The following HCN1 variants were observed in gnomAD, a reference collection of about 807,000 sequenced individuals.
HCN1 encodes hyperpolarization activated cyclic nucleotide gated potassium channel 1.
A neutral mutation model predicts 78.9 loss-of-function variants in HCN1; 13 were observed. That is an observed-to-expected ratio of 0.16 (90% CI 0.11 to 0.26). The LOEUF is 0.26. HCN1 is among the 10% of genes least tolerant of loss of function. The pLI is 1.00. For synonymous variants in HCN1, 552 were observed against 455.5 expected (o/e 1.21, Z -2.70); for missense variants, 810 against 1,154.3 (o/e 0.70, Z 4.32).
chr5:45,482,665 T>C (rs1256260547), intron 2 of HCN1, among the ~76,000 whole-genome samples: 1 of 152,116 alleles, frequency 6.6e-6, no homozygotes, highest in East Asian at 1.9e-4. Context: ...GTTTGTTACA[T>C]TGGAATATTT....
At chr5:45,375,207 A>C (rs1747588334) in intron 4 of HCN1, among the ~76,000 whole-genome samples, 1 of 116,326 alleles carries the variant, frequency 8.6e-6, no homozygotes, top group South Asian at 2.3e-4. Flanking sequence ...ATAATATTTT[A>C]TAATATATAA....
intron 2 of HCN1, among the ~76,000 whole-genome samples, chr5:45,600,690 G>T (rs1744604035): frequency 6.6e-6 from 1 of 152,100 alleles, no homozygotes; most frequent in Non-Finnish European, 1.5e-5. Context: ...AATTCATAGA[G>T]ATGTTGAACA....
At chr5:45,346,298 G>T (rs77164221) in intron 5 of HCN1, among the ~76,000 whole-genome samples, 2,251 of 152,274 alleles carry the variant, frequency 0.015, 78 homozygotes, top group African/African-American at 0.052. Context: ...ATAATTCATT[G>T]AGTACATAGA....
At chr5:45,498,361 C>T (rs1257440025) in intron 2 of HCN1, among the ~76,000 whole-genome samples, 1 of 152,208 alleles carries the variant, frequency 6.6e-6, no homozygotes, top group Non-Finnish European at 1.5e-5. Flanking sequence ...GATACTGCTT[C>T]TTCCAGTTCA....
rs933154864 is a variant in HCN1, at chr5:45,347,289, G to A, written c.1377+5811C>T. On this transcript the variant is annotated intron_variant, in intron 5 of 7. Transcript: ENST00000303230. ...AATGGACCTCTAGCAAACTCCAACA[G>A]ACCTGCAGCTGAGGGTCCTGTCTGT... 2.6e-5 allele frequency among the ~76,000 whole-genome samples: 4 copies of A among 152,148 alleles called. No homozygotes were observed. The East Asian group carries it at 7.7e-4, about 29-fold the overall frequency.
At chr5:45,495,175 A>G (rs1371572008) in intron 2 of HCN1, among the ~76,000 whole-genome samples, 1 of 116,416 alleles carries the variant, frequency 8.6e-6, no homozygotes, top group Non-Finnish European at 1.8e-5. Flanking sequence ...CATTGAATCT[A>G]TAAATTACCT....
intron 3 of HCN1, among the ~76,000 whole-genome samples, chr5:45,399,090 T>G (rs1191573145): frequency 6.6e-6 from 1 of 152,196 alleles, no homozygotes; most frequent in African/African-American, 2.4e-5. Context: ...ATGAGCAAGC[T>G]CTCTACTCAC....
At chr5:45,349,276 G>A (rs984350122) in intron 5 of HCN1, among the ~76,000 whole-genome samples, 7 of 152,118 alleles carry the variant, frequency 4.6e-5, no homozygotes, top group Non-Finnish European at 8.8e-5. Flanking sequence ...AATGACTACT[G>A]GGTACATAAC....
At position 45,556,629 on chromosome 5, in the gene HCN1, T is replaced by C. The variant is rs572166610; in HGVS notation, c.849+88556A>G. 1.6e-4 allele frequency among the ~76,000 whole-genome samples: 25 copies of C among 152,052 alleles called. No individual in the cohort carries two copies. In the South Asian group the frequency reaches 5.0e-3, roughly 30 times the overall value. On this transcript the variant is annotated intron_variant, in intron 2 of 7. Transcript: ENST00000303230. ...TTAATAATGTTTCAAGCTCAGAAGA[T>C]GCAAAGATGAATGTTTTAGTCTCCT... is the stretch of plus-strand genomic sequence containing the variant.
At chr5:45,617,218 G>C (rs1744975016) in intron 2 of HCN1, 1 of 152,066 alleles carries the variant, frequency 6.6e-6, no homozygotes, top group Non-Finnish European at 1.5e-5. Context: ...TGTGACCTTG[G>C]ACAAGTTAAT....
At chr5:45,345,448 A>G (rs190148835) in intron 5 of HCN1, among the ~76,000 whole-genome samples, 2 of 152,210 alleles carry the variant, frequency 1.3e-5, no homozygotes, top group African/African-American at 4.8e-5. Context: ...TTTCTACTAC[A>G]TGGTCACGCT....
intron 7 of HCN1, among the ~76,000 whole-genome samples, chr5:45,266,209 TA>T (rs937902063): frequency 1.3e-5 from 2 of 152,170 alleles, no homozygotes; most frequent in African/African-American, 4.8e-5. Context: ...TGTATATATA[TA>T]TTTTTTTATT....
intron 5 of HCN1, among the ~76,000 whole-genome samples, chr5:45,324,931 T>A (rs1746205493): frequency 6.6e-6 from 1 of 151,792 alleles, no homozygotes; most frequent in African/African-American, 2.4e-5. Flanking sequence ...AAGCTTCTAC[T>A]CCTTTGGAGC....
At chr5:45,540,853 C>T (rs553485141) in intron 2 of HCN1, among the ~76,000 whole-genome samples, 13 of 152,094 alleles carry the variant, frequency 8.5e-5, no homozygotes, top group African/African-American at 2.9e-4. Context: ...TGTGTATTTA[C>T]CTTTAAATTC....
intron 6 of HCN1, among the ~76,000 whole-genome samples, chr5:45,281,229 G>T (rs1161039524): frequency 6.6e-6 from 1 of 151,978 alleles, no homozygotes; most frequent in Non-Finnish European, 1.5e-5. Context: ...GATCATGGGG[G>T]TGGATTTCCC....
At position 45,258,501 on chromosome 5, in the gene HCN1, T is replaced by C. The variant is rs1744665996; in HGVS notation, c.*3420A>G. On this transcript the variant is annotated 3_prime_UTR_variant, in exon 8 of 8. Transcript: ENST00000303230. ...CTACTTTTTTGGTGAATAGAATATA[T>C]TGCCATTGCTACTATTTATCCTCCT... 1 of 152,180 alleles carries C rather than the reference T, an allele frequency of 6.6e-6. No homozygotes were observed. The highest frequency in any genetic ancestry group is 1.5e-5 in the Non-Finnish European group (1 of 67,994). The allele number at this position is 152,180 out of a possible 1,614,324, so 9.4% of individuals were successfully genotyped here.
rs183390746 is a variant in HCN1, at chr5:45,317,751, G to A, written c.1378-13912C>T. ...CAAACAACCCCATCAAAAAGTGGGC[G>A]AAGGATATGAACAGACACTTCTCAA... On this transcript the variant is annotated intron_variant, in intron 5 of 7. Coordinates refer to ENST00000303230, the MANE Select transcript of HCN1 (RefSeq NM_021072.4). Among the ~76,000 whole-genome samples, 1,477 of 152,100 alleles carry A rather than the reference G, an allele frequency of 9.7e-3. 11 individuals are homozygous for A. Among genetic ancestry groups the A allele is most frequent in the Non-Finnish European group, 0.013 (853 of 67,978 alleles).
intron 2 of HCN1, among the ~76,000 whole-genome samples, chr5:45,582,718 T>C (rs1418008238): frequency 6.6e-6 from 1 of 152,092 alleles, no homozygotes; most frequent in Non-Finnish European, 1.5e-5. Flanking sequence ...TTATTGAGAG[T>C]TTTTAGCATG....
At chr5:45,306,033 AT>A (rs954839216) in intron 5 of HCN1, among the ~76,000 whole-genome samples, 17 of 152,130 alleles carry the variant, frequency 1.1e-4, no homozygotes, top group Admixed American at 5.2e-4. Context: ...TATTTCAAAT[AT>A]TTCTATACAA....
Sources: gnomAD v4.1 joint callset for allele counts (sites outside exome capture counted in the v4.1 genomes callset) on GRCh38, gnomAD v4.1.1 for gene constraint, MANE v1.5 for transcripts, NCBI Gene and HGNC (gene_info 2026-07-23, HGNC 2026-07-21) for gene names.